Variants in RAB27B observed in about 807,000 individuals in gnomAD.
RAB27B encodes RAB27B, member RAS oncogene family.
Under a neutral mutation model 24.6 loss-of-function variants are expected in RAB27B, and 15 were observed. The ratio of observed to expected loss-of-function variants is 0.61; its 90% CI spans 0.41 to 0.94. The LOEUF (loss-of-function observed/expected upper bound fraction) is 0.94. Among genes scored for constraint, RAB27B ranks in the 40% least tolerant of loss-of-function variants. RAB27B has a pLI of 0.00. For missense variants in RAB27B, 261 were observed against 266.8 expected, an observed-to-expected ratio of 0.98 and a Z score of 0.15; for synonymous variants, 105 against 92.5, an observed-to-expected ratio of 1.14 and a Z score of -0.78.
chr18:54,845,532 A>T (rs1251447323), intron 1 of RAB27B, among the ~76,000 whole-genome samples: 1 of 152,102 alleles, frequency 6.6e-6, no homozygotes, highest in Non-Finnish European at 1.5e-5. Flanking sequence ...AAATTGTGAA[A>T]TAAGTTAATA....
chr18:54,812,336 C>T (rs868626727), intron 2 of RAB27B, among the ~76,000 whole-genome samples: 4 of 152,012 alleles, frequency 2.6e-5, no homozygotes, highest in Middle Eastern at 6.8e-3. Flanking sequence ...GTGGGTTTAA[C>T]TACAAGAAAA....
chr18:54,869,933 A>G (rs925183394), intron 1 of RAB27B, among the ~76,000 whole-genome samples: 1 of 152,196 alleles, frequency 6.6e-6, no homozygotes, highest in African/African-American at 2.4e-5. Flanking sequence ...AAAAAACAGG[A>G]TTAAATGGAC....
chr18:54,718,595 T>C (rs1257069916), intron 2 of RAB27B, among the ~76,000 whole-genome samples: 1 of 152,210 alleles, frequency 6.6e-6, no homozygotes, highest in African/African-American at 2.4e-5. Context: ...GTAAAGCCAC[T>C]GAAGAGAAAT....
chr18:54,804,894 C>CTTTT (rs145647478), intron 2 of RAB27B, among the ~76,000 whole-genome samples: 1 of 18,088 alleles, frequency 5.5e-5, no homozygotes, highest in African/African-American at 1.1e-4. Context: ...CTTTCTTTCT[C>CTTTT]TTTCTCTCTC....
At chr18:54,819,517 A>G (rs1910228795) in intron 2 of RAB27B, among the ~76,000 whole-genome samples, 1 of 145,616 alleles carries the variant, frequency 6.9e-6, no homozygotes. Context: ...GGGCGACAGA[A>G]CAAGACTCCA....
intron 2 of RAB27B, among the ~76,000 whole-genome samples, chr18:54,764,872 A>G (rs138192152): frequency 5.2e-4 from 79 of 152,036 alleles, no homozygotes; most frequent in African/African-American, 1.7e-3. Context: ...TCACAATTGA[A>G]CTCCCACCAA....
At chr18:54,800,470 C>T (rs1001359526) in intron 2 of RAB27B, among the ~76,000 whole-genome samples, 23 of 152,208 alleles carry the variant, frequency 1.5e-4, no homozygotes, top group African/African-American at 5.1e-4. Context: ...TGCTCCACAG[C>T]ACTGGGCATT....
At chr18:54,838,457 AC>A (rs2145196104) in intron 1 of RAB27B, among the ~76,000 whole-genome samples, 1 of 152,212 alleles carries the variant, frequency 6.6e-6, no homozygotes, top group South Asian at 2.1e-4. Flanking sequence ...TCTTTATACC[AC>A]CATCTGGGTG....
rs141431006 is a variant in RAB27B at position 54,756,515 on chromosome 18, G to A, written c.-20+38374G>A. 7.2e-5 allele frequency among the ~76,000 whole-genome samples: 11 copies of A among 152,098 alleles called. No homozygotes were observed. In the East Asian group the frequency reaches 1.9e-3, roughly 27 times the overall value. On this transcript the variant is annotated intron_variant, in intron 2 of 4. Coordinates refer to the RAB27B transcript ENST00000586570. Reference sequence around the variant, plus strand: ...GGAACTTACCATACTGTTATTCAGAGCTACCAATTCAATGTGGAGAGTATA... The same window carrying A: ...GGAACTTACCATACTGTTATTCAGAACTACCAATTCAATGTGGAGAGTATA...
intron 2 of RAB27B, among the ~76,000 whole-genome samples, chr18:54,818,920 T>C (rs1029410563): frequency 2.0e-5 from 3 of 152,002 alleles, no homozygotes. Context: ...TTATAATTGA[T>C]TTAAAATAAA....
At chr18:54,862,001 T>G (rs1372234881) in intron 1 of RAB27B, among the ~76,000 whole-genome samples, 2 of 152,170 alleles carry the variant, frequency 1.3e-5, no homozygotes, top group African/African-American at 4.8e-5. Flanking sequence ...AATTTACATT[T>G]ATTTTTCTTG....
chr18:54,827,691 G>A (rs1461466950), upstream of RAB27B, among the ~76,000 whole-genome samples: 8 of 152,154 alleles, frequency 5.3e-5, no homozygotes, highest in Admixed American at 5.2e-4. Flanking sequence ...ACACAGGTTT[G>A]GAACTTTTAA....
chr18:54,794,070 A>T (rs930558557), intron 2 of RAB27B, among the ~76,000 whole-genome samples: 3 of 152,218 alleles, frequency 2.0e-5, no homozygotes, highest in African/African-American at 7.2e-5. Flanking sequence ...TTGGCTTTGC[A>T]TCCTAGCTCT....
intron 1 of RAB27B, among the ~76,000 whole-genome samples, chr18:54,864,705 A>G (rs1224784716): frequency 2.6e-5 from 4 of 152,144 alleles, no homozygotes; most frequent in African/African-American, 9.7e-5. Context: ...GTCACAATTG[A>G]CCATAAATGT....
intron 2 of RAB27B, among the ~76,000 whole-genome samples, chr18:54,733,534 A>G (rs1315760244): frequency 6.6e-6 from 1 of 151,568 alleles, no homozygotes; most frequent in Non-Finnish European, 1.5e-5. Flanking sequence ...CTTGAGTTAG[A>G]CTCTTGATCT....
intron 2 of RAB27B, among the ~76,000 whole-genome samples, chr18:54,800,321 T>G (rs1909560556): frequency 2.0e-5 from 3 of 152,212 alleles, no homozygotes. Flanking sequence ...GTTCAATTAT[T>G]TCCCTAAGAT....
chr18:54,789,270 A>G (rs1309061912), intron 2 of RAB27B, among the ~76,000 whole-genome samples: 1 of 152,180 alleles, frequency 6.6e-6, no homozygotes, highest in East Asian at 1.9e-4. Context: ...TATTCATACC[A>G]TTGGCTTTAT....
At chr18:54,799,610 AAT>A (rs1244442310) in intron 2 of RAB27B, among the ~76,000 whole-genome samples, 1 of 138,578 alleles carries the variant, frequency 7.2e-6, no homozygotes, top group East Asian at 2.1e-4. Flanking sequence ...TATATAATAA[AAT>A]GATTTTTTTT....
intron 2 of RAB27B, among the ~76,000 whole-genome samples, chr18:54,770,977 CCTTT>C (rs1054161381): frequency 3.3e-5 from 5 of 151,948 alleles, no homozygotes; most frequent in African/African-American, 1.2e-4. Flanking sequence ...AGGTTCTGTC[CCTTT>C]CTTGTTAAAC....
Sources: gnomAD v4.1 joint callset for allele counts (sites outside exome capture counted in the v4.1 genomes callset) on GRCh38, gnomAD v4.1.1 for gene constraint, MANE v1.5 for transcripts, NCBI Gene and HGNC (gene_info 2026-07-23, HGNC 2026-07-21) for gene names.